The following SLCO1A2 variants were observed in gnomAD, a reference collection of about 807,000 sequenced individuals.
SLCO1A2 encodes the protein solute carrier organic anion transporter family member 1A2.
A neutral mutation model predicts 69.0 loss-of-function variants in SLCO1A2; 67 were observed. The observed-to-expected ratio is 0.97, with a 90% CI of 0.80 to 1.19. SLCO1A2 has a LOEUF of 1.19. Ranked by LOEUF, SLCO1A2 falls within the 50% of genes most tolerant of loss-of-function variation. The pLI, the probability that SLCO1A2 is intolerant of heterozygous loss-of-function variation, is 0.00. For synonymous variants in SLCO1A2, 260 were observed against 265.9 expected (o/e 0.98, Z 0.22); for missense variants, 787 against 793.7 (o/e 0.99, Z 0.10).
chr12:21,411,344 A>G (rs1027462356), intron 1 of SLCO1A2, among the ~76,000 whole-genome samples: 3 of 152,194 alleles, frequency 2.0e-5, no homozygotes, highest in Admixed American at 6.5e-5. Flanking sequence ...TTTTCCATAT[A>G]GATATGCTTC....
At chr12:21,413,816 G>T (rs1045773046) in intron 1 of SLCO1A2, among the ~76,000 whole-genome samples, 1 of 152,056 alleles carries the variant, frequency 6.6e-6, no homozygotes, top group African/African-American at 2.4e-5. Context: ...TAACAGAGGC[G>T]GCTGTTTGAA....
intron 1 of SLCO1A2, among the ~76,000 whole-genome samples, chr12:21,408,099 A>C (rs1941851290): frequency 2.0e-5 from 3 of 152,152 alleles, no homozygotes; most frequent in Admixed American, 2.0e-4. Flanking sequence ...TAAGGCACCA[A>C]ACTATTTTCC....
intron 2 of SLCO1A2, among the ~76,000 whole-genome samples, chr12:21,366,365 C>T (rs1052613707): frequency 7.5e-6 from 1 of 132,822 alleles, no homozygotes; most frequent in Non-Finnish European, 1.5e-5. Flanking sequence ...CACAGGGACA[C>T]AGGGTGGGGA....
At chr12:21,290,171 A>G (rs1486275758) in intron 12 of SLCO1A2, among the ~76,000 whole-genome samples, 1 of 152,080 alleles carries the variant, frequency 6.6e-6, no homozygotes, top group African/African-American at 2.4e-5. Flanking sequence ...CACCTTTATG[A>G]AAAATTTTTA....
chr12:21,300,580 A>G lies in SLCO1A2; in HGVS notation c.689-11T>C, dbSNP rs1190936917. 3.2e-6 allele frequency: 5 copies of G among 1,581,930 alleles called. No individual in the cohort carries two copies. The East Asian group carries it at 9.0e-5, about 29-fold the overall frequency. The stretch of plus-strand genomic sequence containing the variant: ...TTATGATCAGATCATCTGTAAAAAA[A>G]TACACACACTGTTATTAGCTTAAGT... On this transcript the variant is annotated splice_polypyrimidine_tract_variant and intron_variant, in intron 7 of 14. Coordinates refer to ENST00000683939, the MANE Select transcript of SLCO1A2 (RefSeq NM_001386879.1).
intron 1 of SLCO1A2, chr12:21,379,389 T>C (rs772267580): frequency 2.6e-5 from 4 of 152,222 alleles, no homozygotes; most frequent in African/African-American, 4.8e-5. Flanking sequence ...TAAGTGGCTT[T>C]CAGCAAACCT....
chr12:21,308,479 G>T (rs1949707047), intron 4 of SLCO1A2, among the ~76,000 whole-genome samples: 1 of 152,100 alleles, frequency 6.6e-6, no homozygotes, highest in African/African-American at 2.4e-5. Context: ...AAACATTTTG[G>T]TTTAAAGTTT....
At chr12:21,358,228 A>G (rs1434698780) in intron 2 of SLCO1A2, among the ~76,000 whole-genome samples, 2 of 152,240 alleles carry the variant, frequency 1.3e-5, no homozygotes, top group Admixed American at 6.5e-5. Flanking sequence ...TCTGTGATAC[A>G]AAGAGATGAA....
At chr12:21,308,215 G>A (rs145952947) in intron 4 of SLCO1A2, among the ~76,000 whole-genome samples, 33 of 152,050 alleles carry the variant, frequency 2.2e-4, no homozygotes, top group Admixed American at 5.2e-4. Flanking sequence ...GCAAAATGAC[G>A]GTAAATAGAT....
chr12:21,330,988 A>G (rs1952578135), intron 2 of SLCO1A2, among the ~76,000 whole-genome samples: 1 of 152,190 alleles, frequency 6.6e-6, no homozygotes, highest in South Asian at 2.1e-4. Context: ...TCTTTCTCAT[A>G]TAAAATTACT....
chr12:21,381,721 G>A lies in SLCO1A2; in HGVS notation c.-189-7196C>T, dbSNP rs539464018. ...TGAGGAAAGAGAATCACTTGAACCC[G>A]GGAGGCAGAGGTTGCAGTGAGCCAA... On this transcript the variant is annotated intron_variant, in intron 1 of 15. Transcript: ENST00000307378. Among the ~76,000 whole-genome samples, 15 of 152,284 alleles carry A rather than the reference G, an allele frequency of 9.9e-5. No individual in the cohort carries two copies. In the South Asian group the frequency reaches 1.0e-3, roughly 11 times the overall value.
At chr12:21,344,571 GCA>G (rs1953192200) in intron 2 of SLCO1A2, among the ~76,000 whole-genome samples, 1 of 151,936 alleles carries the variant, frequency 6.6e-6, no homozygotes, top group Non-Finnish European at 1.5e-5. Flanking sequence ...AGAAATTTTA[GCA>G]CACTTGAAGC....
chr12:21,357,287 T>A (rs1276333441), intron 2 of SLCO1A2, among the ~76,000 whole-genome samples: 2 of 152,108 alleles, frequency 1.3e-5, no homozygotes, highest in South Asian at 2.1e-4. Flanking sequence ...GGAAGTTTGG[T>A]CACAGAGACA....
At chr12:21,411,600 G>A (rs1364930102) in intron 1 of SLCO1A2, among the ~76,000 whole-genome samples, 1 of 152,120 alleles carries the variant, frequency 6.6e-6, no homozygotes. Context: ...ACTTGACTGT[G>A]TAAAGTGGGA....
At chr12:21,282,362 A>G (rs1944946438) in intron 12 of SLCO1A2, among the ~76,000 whole-genome samples, 3 of 151,912 alleles carry the variant, frequency 2.0e-5, no homozygotes, top group African/African-American at 7.3e-5. Context: ...ATGTGGAAAA[A>G]ACATTTGATA....
chr12:21,417,719 G>A (rs1942010059), intron 1 of SLCO1A2, among the ~76,000 whole-genome samples: 1 of 152,062 alleles, frequency 6.6e-6, no homozygotes, highest in Admixed American at 6.6e-5. Context: ...TGTAGAAGAT[G>A]GGATTTGGTG....
chr12:21,401,804 AT>A (rs998253309), intron 1 of SLCO1A2, among the ~76,000 whole-genome samples: 2 of 151,400 alleles, frequency 1.3e-5, no homozygotes, highest in African/African-American at 2.4e-5. Context: ...ACCACAAAAA[AT>A]GTACTAGTTA....
intron 1 of SLCO1A2, among the ~76,000 whole-genome samples, chr12:21,377,458 A>G (rs1263465202): frequency 6.6e-6 from 1 of 152,192 alleles, no homozygotes; most frequent in East Asian, 1.9e-4. Flanking sequence ...TTAAGCATGC[A>G]ATACATTATT....
intron 1 of SLCO1A2, among the ~76,000 whole-genome samples, chr12:21,410,976 A>T (rs1941898331): frequency 6.6e-6 from 1 of 152,056 alleles, no homozygotes; most frequent in African/African-American, 2.4e-5. Context: ...GTGTATTATT[A>T]ATTGTAACCT....
Sources: gnomAD v4.1 joint callset for allele counts (sites outside exome capture counted in the v4.1 genomes callset) on GRCh38, gnomAD v4.1.1 for gene constraint, MANE v1.5 for transcripts, NCBI Gene and HGNC (gene_info 2026-07-23, HGNC 2026-07-21) for gene names.